Variants in RBPJ observed in about 807,000 individuals in gnomAD.
RBPJ encodes the protein recombining binding protein suppressor of hairless.
In RBPJ, 9 loss-of-function variants were observed where a neutral mutation model predicts 67.8. The ratio of observed to expected loss-of-function variants is 0.13; its 90% CI spans 0.08 to 0.23. The LOEUF is 0.23. RBPJ is among the 10% of genes least tolerant of loss of function. The pLI is 1.00. For missense variants in RBPJ, 305 were observed against 595.6 expected (o/e 0.51, Z 5.08); for synonymous variants, 198 against 203.3 (o/e 0.97, Z 0.22).
chr4:26,162,759 T>C (rs1716116905), upstream of RBPJ, among the ~76,000 whole-genome samples: 1 of 152,138 alleles, frequency 6.6e-6, no homozygotes, highest in African/African-American at 2.4e-5. Context: ...TCAGAAACCA[T>C]CTGAAGAGGC....
intron 1 of RBPJ, among the ~76,000 whole-genome samples, chr4:26,236,386 G>A (rs572922743): frequency 6.6e-6 from 1 of 152,284 alleles, no homozygotes; most frequent in South Asian, 2.1e-4. Context: ...TATAGTTCAG[G>A]AATTCAGGAG....
chr4:26,380,178 A>G (rs1261048684), intron 1 of RBPJ, among the ~76,000 whole-genome samples: 1 of 152,258 alleles, frequency 6.6e-6, no homozygotes, highest in African/African-American at 2.4e-5. Context: ...TATTTATTTA[A>G]TAATGTATTT....
At chr4:26,111,080 A>G in the RBPJ span, among the ~76,000 whole-genome samples, 7 of 152,170 alleles carry the variant, frequency 4.6e-5, no homozygotes, top group African/African-American at 1.7e-4. Flanking sequence ...TTTGAGGATG[A>G]CTCTAGGCTG....
intron 1 of RBPJ, among the ~76,000 whole-genome samples, chr4:26,271,626 T>G (rs1720919447): frequency 6.6e-6 from 1 of 151,914 alleles, no homozygotes; most frequent in Non-Finnish European, 1.5e-5. Context: ...AGATAGGGAG[T>G]TCTGAGAAAG....
At chr4:26,329,185 G>A (rs1028018878) in intron 1 of RBPJ, among the ~76,000 whole-genome samples, 5 of 152,132 alleles carry the variant, frequency 3.3e-5, no homozygotes, top group African/African-American at 1.2e-4. Context: ...TAGAGACGGG[G>A]TTTCTCCATG....
chr4:26,126,852 C>G, the RBPJ span, among the ~76,000 whole-genome samples: 1 of 152,168 alleles, frequency 6.6e-6, no homozygotes, highest in African/African-American at 2.4e-5. Flanking sequence ...ACCATATGGA[C>G]AGTGGAAAAG....
chr4:26,318,996 CAAAA>C (rs201084739), upstream of RBPJ, among the ~76,000 whole-genome samples: 7 of 83,904 alleles, frequency 8.3e-5, no homozygotes, highest in Admixed American at 1.7e-4. Context: ...GACTCCGTCT[CAAAA>C]AAAAAAAAAA....
chr4:26,134,270 G>A, the RBPJ span, among the ~76,000 whole-genome samples: 1 of 152,190 alleles, frequency 6.6e-6, no homozygotes. Context: ...TAGCCCTGTG[G>A]TCCTGGGCAA....
At position 26,311,071 on chromosome 4, in the gene RBPJ, T is replaced by A. The variant is rs572220550; in HGVS notation, c.-166-51375T>A. On this transcript the variant is annotated intron_variant, in intron 1 of 4. Coordinates refer to the RBPJ transcript ENST00000512351. ...TGTTGAGTAATGATAAAAACTAATATTACTATAACAATTGTGTTATAGCAC... is the reference window on the plus strand; with the variant it reads ...TGTTGAGTAATGATAAAAACTAATAATACTATAACAATTGTGTTATAGCAC... Among the ~76,000 whole-genome samples the A allele has an allele frequency of 3.9e-5, 6 of 152,316 alleles. No homozygotes were observed. The South Asian group carries it at 1.2e-3, about 32-fold the overall frequency.
the RBPJ span, among the ~76,000 whole-genome samples, chr4:26,128,812 ATTG>A: frequency 6.6e-6 from 1 of 152,190 alleles, no homozygotes; most frequent in East Asian, 1.9e-4. Flanking sequence ...TTTCCCCCAT[ATTG>A]TTCTTATGGT....
chr4:26,113,936 G>T, the RBPJ span: 1 of 153,950 alleles, frequency 6.5e-6, no homozygotes. Flanking sequence ...ATGACTTCTT[G>T]TTTGAATATG....
chr4:26,237,720 T>C (rs963486997), intron 1 of RBPJ, among the ~76,000 whole-genome samples: 1 of 152,208 alleles, frequency 6.6e-6, no homozygotes, highest in African/African-American at 2.4e-5. Context: ...TCCCTATCAG[T>C]ACAATTTGGA....
At chr4:26,326,828 G>A (rs1179108192) in intron 1 of RBPJ, among the ~76,000 whole-genome samples, 1 of 152,122 alleles carries the variant, frequency 6.6e-6, no homozygotes, top group Non-Finnish European at 1.5e-5. Context: ...GGCTCAAGAT[G>A]GACTTTTTAT....
intron 1 of RBPJ, among the ~76,000 whole-genome samples, chr4:26,232,545 A>G (rs1306578323): frequency 1.3e-5 from 2 of 152,348 alleles, no homozygotes; most frequent in East Asian, 3.9e-4. Flanking sequence ...CTGTTTTATT[A>G]GTTCCAATTT....
chr4:26,312,870 AGTTCTGCT>A (rs532615783), intron 1 of RBPJ, among the ~76,000 whole-genome samples: 106 of 152,316 alleles, frequency 7.0e-4, no homozygotes, highest in African/African-American at 2.5e-3. Context: ...ACCACGAGGC[AGTTCTGCT>A]GTTTTAATTC....
chr4:26,164,123 A>T (rs1368122719), intron 1 of RBPJ, among the ~76,000 whole-genome samples: 1 of 93,376 alleles, frequency 1.1e-5, no homozygotes, highest in African/African-American at 9.4e-5. Flanking sequence ...GGTTGTTTAC[A>T]TCTGAAAGCA....
At chr4:26,412,131 A>G (rs1359946046) in intron 3 of RBPJ, among the ~76,000 whole-genome samples, 1 of 144,750 alleles carries the variant, frequency 6.9e-6, no homozygotes, top group East Asian at 2.0e-4. Context: ...AAAAAAAAAA[A>G]GTACCATTTA....
chr4:26,198,108 G>A (rs1242209225), intron 1 of RBPJ, among the ~76,000 whole-genome samples: 5 of 151,984 alleles, frequency 3.3e-5, no homozygotes, highest in African/African-American at 1.2e-4. Flanking sequence ...TACAAAATTA[G>A]CCGGGCGTGG....
At chr4:26,311,398 G>A (rs1002787916) in intron 1 of RBPJ, among the ~76,000 whole-genome samples, 10 of 152,088 alleles carry the variant, frequency 6.6e-5, no homozygotes, top group Non-Finnish European at 1.5e-4. Flanking sequence ...AATTAGCCAG[G>A]CATGGTGGCA....
Sources: allele counts gnomAD v4.1 joint callset (sites outside exome capture counted in the v4.1 genomes callset), GRCh38; gene constraint gnomAD v4.1.1; transcripts MANE v1.5; gene names NCBI Gene and HGNC (gene_info 2026-07-23, HGNC 2026-07-21).